The following NOX4 variants were observed in gnomAD, a reference collection of about 807,000 sequenced individuals.
The protein encoded by NOX4 is kidney oxidase-1.
In NOX4, 69 loss-of-function variants were observed where a neutral mutation model predicts 87.6. The ratio of observed to expected loss-of-function variants is 0.79; its 90% CI spans 0.65 to 0.96. The LOEUF (loss-of-function observed/expected upper bound fraction) is 0.96. Ranked by LOEUF, NOX4 falls within the 40% of genes least tolerant of loss-of-function variation. The pLI, the probability that NOX4 is intolerant of heterozygous loss-of-function variation, is 0.00. For synonymous variants in NOX4, 275 were observed against 238.2 expected (o/e 1.15, Z -1.42); for missense variants, 680 against 681.5 (o/e 1.00, Z 0.02).
intron 14 of NOX4, among the ~76,000 whole-genome samples, chr11:89,340,431 A>C (rs2135382728): frequency 6.6e-6 from 1 of 152,306 alleles, no homozygotes; most frequent in East Asian, 1.9e-4. Flanking sequence ...AAATGAATTT[A>C]AGTGTGAATA....
intron 13 of NOX4, among the ~76,000 whole-genome samples, chr11:89,344,666 G>A (rs1445326155): frequency 6.6e-6 from 1 of 152,144 alleles, no homozygotes; most frequent in Non-Finnish European, 1.5e-5. Flanking sequence ...GGTACTGAAT[G>A]TTCTATGTAT....
chr11:89,424,185 T>C (rs747729279), intron 7 of NOX4, among the ~76,000 whole-genome samples: 1 of 151,920 alleles, frequency 6.6e-6, no homozygotes, highest in Non-Finnish European at 1.5e-5. Context: ...TCTCCAGATA[T>C]TATATGTTTT....
At chr11:89,387,402 T>G (rs1207972271) in intron 11 of NOX4, among the ~76,000 whole-genome samples, 1 of 151,906 alleles carries the variant, frequency 6.6e-6, no homozygotes, top group East Asian at 1.9e-4. Flanking sequence ...TGACTGTAAT[T>G]TTCCATTACC....
chr11:89,347,746 C>T (rs1946280447), intron 13 of NOX4, among the ~76,000 whole-genome samples: 2 of 152,136 alleles, frequency 1.3e-5, no homozygotes, highest in African/African-American at 4.8e-5. Context: ...CCTCCGAACA[C>T]CCTTAGACAT....
At chr11:89,440,634 C>T in intron 6 of NOX4, 54 bp downstream of exon 6, 2 of 1,297,350 alleles carry the variant, frequency 1.5e-6, no homozygotes, top group Non-Finnish European at 1.1e-6. Context: ...CCGATAATGC[C>T]TACTTTTAAA....
chr11:89,494,732 C>A (rs1301282772), upstream of NOX4, among the ~76,000 whole-genome samples: 2 of 152,126 alleles, frequency 1.3e-5, no homozygotes, highest in African/African-American at 4.8e-5. Flanking sequence ...GGGCAAGAAC[C>A]CCTTAAAATG....
chr11:89,535,518 G>C, the NOX4 span, among the ~76,000 whole-genome samples: 1 of 152,144 alleles, frequency 6.6e-6, no homozygotes. Flanking sequence ...AGATGTTGTA[G>C]CAAAACTCTG....
At chr11:89,351,322 G>T (rs941054288) in intron 13 of NOX4, among the ~76,000 whole-genome samples, 1 of 152,176 alleles carries the variant, frequency 6.6e-6, no homozygotes, top group Non-Finnish European at 1.5e-5. Context: ...TGGTTCATGA[G>T]GTTTAAGAAA....
chr11:89,451,551 A>T (rs1209981176), intron 3 of NOX4, among the ~76,000 whole-genome samples: 1 of 152,174 alleles, frequency 6.6e-6, no homozygotes, highest in African/African-American at 2.4e-5. Context: ...TGTATGTGAA[A>T]CACTAAGCAT....
At chr11:89,533,703 A>C in the NOX4 span, 1 of 152,260 alleles carries the variant, frequency 6.6e-6, no homozygotes, top group Non-Finnish European at 1.5e-5. Context: ...CTAGAGCCCC[A>C]TCTCTGAACA....
chr11:89,538,262 T>C, the NOX4 span, among the ~76,000 whole-genome samples: 3 of 152,206 alleles, frequency 2.0e-5, no homozygotes, highest in Non-Finnish European at 2.9e-5. Context: ...CAATATTTTG[T>C]ATAGAATTTA....
At chr11:89,459,392 T>A (rs547284084) in intron 2 of NOX4, among the ~76,000 whole-genome samples, 11 of 152,102 alleles carry the variant, frequency 7.2e-5, no homozygotes, top group Admixed American at 2.6e-4. Context: ...TAAATCCCCA[T>A]GAAACACAAT....
chr11:89,387,274 G>T (rs1940778797), intron 11 of NOX4, among the ~76,000 whole-genome samples: 1 of 152,054 alleles, frequency 6.6e-6, no homozygotes, highest in Non-Finnish European at 1.5e-5. Context: ...AAGTGAAAAT[G>T]GCCGGTTCCT....
chr11:89,363,817 T>C (rs1938718207), intron 12 of NOX4, among the ~76,000 whole-genome samples: 1 of 152,100 alleles, frequency 6.6e-6, no homozygotes, highest in African/African-American at 2.4e-5. Context: ...TCAATAATAA[T>C]ACATGGTAAT....
At chr11:89,380,546 G>A (rs1482812962) in intron 11 of NOX4, among the ~76,000 whole-genome samples, 2 of 152,162 alleles carry the variant, frequency 1.3e-5, no homozygotes, top group African/African-American at 4.8e-5. Flanking sequence ...ATTTCCTTTT[G>A]GTACTTAGGT....
At chr11:89,438,852 AATATATTATATATTAT>A (rs1944287792) in intron 6 of NOX4, among the ~76,000 whole-genome samples, 2 of 45,408 alleles carry the variant, frequency 4.4e-5, no homozygotes, top group Non-Finnish European at 6.2e-5. Flanking sequence ...TATATTATAT[AATATATTATATATTAT>A]ATATATAATA....
upstream of NOX4, among the ~76,000 whole-genome samples, chr11:89,494,371 A>G (rs1946924346): frequency 6.6e-6 from 1 of 152,196 alleles, no homozygotes; most frequent in Admixed American, 6.5e-5. Context: ...AGTGTTTTTC[A>G]AAATATGAAA....
At chr11:89,498,597 A>G (rs774480010), upstream of NOX4, among the ~76,000 whole-genome samples, 39 of 152,286 alleles carry the variant, frequency 2.6e-4, no homozygotes, top group Non-Finnish European at 4.4e-4. Flanking sequence ...TTGCAAGCAT[A>G]TATTTGGGTA....
chr11:89,416,719 G>A (rs555057685), intron 8 of NOX4, among the ~76,000 whole-genome samples: 1 of 152,140 alleles, frequency 6.6e-6, no homozygotes, highest in South Asian at 2.1e-4. Flanking sequence ...CCTGCCCACT[G>A]TGCTCCCCTG....
Sources: allele counts gnomAD v4.1 joint callset (sites outside exome capture counted in the v4.1 genomes callset), GRCh38; gene constraint gnomAD v4.1.1; transcripts MANE v1.5; gene names NCBI Gene and HGNC (gene_info 2026-07-23, HGNC 2026-07-21).